The following EXTL3 variants were observed in gnomAD, a reference collection of about 807,000 sequenced individuals.
EXTL3 encodes exostosin-like 3.
In EXTL3, 27 loss-of-function variants were observed where a neutral mutation model predicts 69.3. The ratio of observed to expected loss-of-function variants is 0.39; its 90% CI spans 0.29 to 0.54. EXTL3 has a LOEUF of 0.54. Among genes scored for constraint, EXTL3 ranks in the 20% least tolerant of loss-of-function variants. The probability of loss-of-function intolerance (pLI) is 0.69; values close to 1 mark genes in which losing one functional copy is unlikely to be tolerated. For synonymous variants in EXTL3, 511 were observed against 499.4 expected (o/e 1.02, Z -0.31); for missense variants, 1,003 against 1,231.8 (o/e 0.81, Z 2.78).
At chr8:28,715,074 T>TC (rs1160991288) in intron 2 of EXTL3, among the ~76,000 whole-genome samples, 3 of 152,238 alleles carry the variant, frequency 2.0e-5, no homozygotes, top group African/African-American at 7.2e-5. Context: ...TGGATAAAGA[T>TC]CAAAAGAGTT....
At chr8:28,661,291 T>G (rs2130622554) in intron 1 of EXTL3, among the ~76,000 whole-genome samples, 1 of 152,116 alleles carries the variant, frequency 6.6e-6, no homozygotes, top group South Asian at 2.1e-4. Context: ...TATAATCTCA[T>G]CACAATCAGA....
At chr8:28,609,960 T>C (rs1806250521) in intron 2 of EXTL3, among the ~76,000 whole-genome samples, 1 of 150,330 alleles carries the variant, frequency 6.7e-6, no homozygotes, top group Non-Finnish European at 1.5e-5. Flanking sequence ...TCCTACCACT[T>C]TGGGAGGCCA....
intron 1 of EXTL3, among the ~76,000 whole-genome samples, chr8:28,650,776 A>G (rs1474927862): frequency 7.2e-5 from 11 of 151,862 alleles, no homozygotes; most frequent in Admixed American, 7.2e-4. Flanking sequence ...TGATTGATCT[A>G]GTTATCTATT....
intron 1 of EXTL3, among the ~76,000 whole-genome samples, chr8:28,639,477 T>C (rs1806709733): frequency 6.6e-6 from 1 of 152,222 alleles, no homozygotes; most frequent in Admixed American, 6.5e-5. Flanking sequence ...CCCTTCGATA[T>C]ACAAAGCACC....
intron 1 of EXTL3, among the ~76,000 whole-genome samples, chr8:28,676,138 C>G (rs1363362937): frequency 6.6e-6 from 1 of 151,754 alleles, no homozygotes; most frequent in Admixed American, 6.6e-5. Flanking sequence ...GTGGACATGT[C>G]TTGGTTTAAT....
At chr8:28,712,713 GC>G (rs1347456887) in intron 1 of EXTL3, among the ~76,000 whole-genome samples, 1 of 152,176 alleles carries the variant, frequency 6.6e-6, no homozygotes, top group Admixed American at 6.5e-5. Context: ...CTTTTGCCTG[GC>G]TCCAGTAAAA....
intron 4 of EXTL3, among the ~76,000 whole-genome samples, chr8:28,734,289 A>G (rs1443519049): frequency 2.0e-5 from 3 of 152,060 alleles, no homozygotes; most frequent in African/African-American, 7.2e-5. Flanking sequence ...CAGTGGATCT[A>G]TTTTCTTTGG....
chr8:28,702,051 C>T (rs1024764611), intron 1 of EXTL3, among the ~76,000 whole-genome samples: 11 of 152,222 alleles, frequency 7.2e-5, no homozygotes, highest in Non-Finnish European at 7.3e-5. Flanking sequence ...AGCCCTCCAC[C>T]CTCTGTGACC....
rs775487787 is a variant in EXTL3 at position 28,717,115 on chromosome 8, T to C, written c.1056T>C (p.Ser352=). The change falls in exon 3 of 7, where the codon TCT becomes TCC. Residue 352 remains serine (S), a synonymous_variant. Coordinates refer to ENST00000220562, the MANE Select transcript of EXTL3 (RefSeq NM_001440.4). This position sits in a 1 kb window ranked among gnomAD's most constrained non-coding sequence, Gnocchi z 8.3. The part of the protein sequence containing the change: ...LFTFQGEKIE[S]LRSSLQEARS... ...CCTTCCAGGGCGAGAAGATTGAGTC[T>C]CTGAGGTCTAGCCTTCAGGAGGCCC... The C allele has an allele frequency of 2.5e-6, 4 of 1,614,220 alleles. No individual in the cohort carries two copies. In the East Asian group the frequency reaches 8.9e-5, roughly 36 times the overall value.
chr8:28,744,811 C>T (rs1190136188), intron 6 of EXTL3, among the ~76,000 whole-genome samples: 9 of 142,848 alleles, frequency 6.3e-5, no homozygotes, highest in African/African-American at 2.3e-4. Flanking sequence ...AAAAAATACA[C>T]ACACACGCAC....
At chr8:28,686,331 CTCA>C (rs1288220444) in intron 1 of EXTL3, among the ~76,000 whole-genome samples, 1 of 147,908 alleles carries the variant, frequency 6.8e-6, no homozygotes, top group African/African-American at 2.5e-5. Context: ...CTCTCTCTCT[CTCA>C]AAAAAAAAAA....
At chr8:28,646,928 C>G (rs1272912907) in intron 1 of EXTL3, among the ~76,000 whole-genome samples, 2 of 152,158 alleles carry the variant, frequency 1.3e-5, no homozygotes, top group Non-Finnish European at 2.9e-5. Flanking sequence ...CCCATTCATT[C>G]AGCATACACT....
chr8:28,706,443 C>A (rs1339495471), intron 1 of EXTL3, among the ~76,000 whole-genome samples: 1 of 152,104 alleles, frequency 6.6e-6, no homozygotes, highest in Non-Finnish European at 1.5e-5. Context: ...TTTTTTCTCA[C>A]TCATGATTCT....
At chr8:28,727,250 A>G (rs1801433291) in intron 3 of EXTL3, among the ~76,000 whole-genome samples, 1 of 152,136 alleles carries the variant, frequency 6.6e-6, no homozygotes, top group Non-Finnish European at 1.5e-5. Flanking sequence ...AGCTGTTGTC[A>G]TCCAGCCCAG....
At chr8:28,730,521 C>G (rs148740571) in intron 3 of EXTL3, among the ~76,000 whole-genome samples, 1 of 152,230 alleles carries the variant, frequency 6.6e-6, no homozygotes, top group East Asian at 1.9e-4. Flanking sequence ...AAAATTGTTT[C>G]ATTATGTAGT....
At chr8:28,614,127 G>A (rs928819396) in intron 2 of EXTL3, among the ~76,000 whole-genome samples, 1 of 151,932 alleles carries the variant, frequency 6.6e-6, no homozygotes, top group African/African-American at 2.4e-5. Flanking sequence ...ATCGAACCCA[G>A]TCAGGTTTAT....
Position 28,716,202 on chromosome 8 carries a change from A to G in EXTL3, c.143A>G (p.His48Arg). The G allele has an allele frequency of 1.2e-6, 2 of 1,614,160 alleles. No individual in the cohort carries two copies. Among genetic ancestry groups the G allele is most frequent in the Non-Finnish European group, 1.7e-6 (2 of 1,180,024 alleles). ...VILVFFPLIA[H>R]YYLTTLDEAD... ...CTGGTCTTCTTCCCGCTCATCGCCC[A>G]CTATTACCTCACCACTCTGGATGAG... Residue 48 changes from histidine to arginine, a missense_variant, in exon 3 of 7, where the codon CAC becomes CGC. Coordinates refer to ENST00000220562, the MANE Select transcript of EXTL3 (RefSeq NM_001440.4). This position sits in a 1 kb window ranked among gnomAD's most constrained non-coding sequence, Gnocchi z 7.1.
At chr8:28,735,936 A>G (rs1801643460) in intron 4 of EXTL3, among the ~76,000 whole-genome samples, 1 of 152,206 alleles carries the variant, frequency 6.6e-6, no homozygotes, top group South Asian at 2.1e-4. Flanking sequence ...CCATTATGTG[A>G]GGCCCCTAGG....
intron 3 of EXTL3, among the ~76,000 whole-genome samples, chr8:28,729,532 G>C (rs1245346751): frequency 7.0e-6 from 1 of 142,096 alleles, no homozygotes; most frequent in African/African-American, 2.6e-5. Context: ...GAGGGCAGAG[G>C]CTGCAGTGAG....
Sources: gnomAD v4.1 joint callset for allele counts (sites outside exome capture counted in the v4.1 genomes callset) on GRCh38, gnomAD v4.1.1 for gene constraint, Gnocchi (gnomAD v3.1) non-coding constraint, MANE v1.5 for transcripts, NCBI Gene and HGNC (gene_info 2026-07-23, HGNC 2026-07-21) for gene names.